EYA3: variants seen among roughly 807,000 people sequenced by gnomAD.
The protein encoded by EYA3 is protein phosphatase EYA3.
EYA3 carries 39 observed loss-of-function variants against 80.0 expected under a neutral mutation model. That is an observed-to-expected ratio of 0.49 (90% CI 0.38 to 0.64). The LOEUF (loss-of-function observed/expected upper bound fraction) is 0.64. EYA3 is among the 30% of genes least tolerant of loss of function. The probability of loss-of-function intolerance (pLI) is 0.00; values close to 1 mark genes in which losing one functional copy is unlikely to be tolerated. For synonymous variants in EYA3, 206 were observed against 232.8 expected (o/e 0.88, Z 1.05); for missense variants, 523 against 676.1 (o/e 0.77, Z 2.51).
intron 1 of EYA3, among the ~76,000 whole-genome samples, chr1:28,085,444 GTT>G (rs2148966622): frequency 6.6e-6 from 1 of 151,558 alleles, no homozygotes; most frequent in Admixed American, 6.6e-5. Flanking sequence ...GCAAGGTTTT[GTT>G]TTGTTTTTTG....
intron 10 of EYA3, among the ~76,000 whole-genome samples, chr1:28,008,170 T>C (rs72656584): frequency 0.034 from 5,120 of 152,280 alleles, 131 homozygotes; most frequent in Middle Eastern, 0.065. Context: ...TAATTTTTAA[T>C]AGGATGCCAA....
intron 3 of EYA3, among the ~76,000 whole-genome samples, chr1:28,045,735 A>C (rs923200342): frequency 1.3e-5 from 2 of 152,196 alleles, no homozygotes; most frequent in African/African-American, 2.4e-5. Flanking sequence ...ATAAACATAA[A>C]TTTTGCTTAA....
intron 2 of EYA3, among the ~76,000 whole-genome samples, chr1:28,050,037 T>C (rs1483592595): frequency 6.6e-6 from 1 of 151,950 alleles, no homozygotes; most frequent in African/African-American, 2.4e-5. Flanking sequence ...CAAAGAAAAT[T>C]AGAGCACTGA....
intron 7 of EYA3, among the ~76,000 whole-genome samples, chr1:28,019,657 C>T (rs1456695649): frequency 2.6e-5 from 4 of 152,036 alleles, no homozygotes; most frequent in African/African-American, 7.2e-5. Flanking sequence ...GCATACAATC[C>T]TCTTTTTCAC....
chr1:28,081,366 A>G (rs781247862), intron 1 of EYA3, among the ~76,000 whole-genome samples: 1 of 152,184 alleles, frequency 6.6e-6, no homozygotes. Context: ...GCAGAAGAAC[A>G]CCTGGTGAAA....
chr1:28,046,286 G>A (rs530452042), intron 3 of EYA3, among the ~76,000 whole-genome samples: 3 of 152,270 alleles, frequency 2.0e-5, no homozygotes, highest in Admixed American at 1.3e-4. Context: ...ATTGCTGAAG[G>A]TAAAAGAAGA....
At chr1:28,063,338 G>GGGGA (rs1644709080) in intron 1 of EYA3, among the ~76,000 whole-genome samples, 1 of 144,012 alleles carries the variant, frequency 6.9e-6, no homozygotes, top group African/African-American at 2.6e-5. Flanking sequence ...TTTGGGGGGG[G>GGGGA]AAATAACTAA....
Position 28,013,353 on chromosome 1 carries a change from A to T in EYA3, c.586-59T>A. ...TTATAGCATACATTAATCTCAACAC[A>T]AGAGGCTTTCTTCTCCCTCTTTCTT... On this transcript the variant is annotated intron_variant, in intron 8 of 17. Transcript: ENST00000373871. The surrounding 1 kb of genome is among the most constrained non-coding windows in gnomAD (Gnocchi z 4.0). The T allele has an allele frequency of 7.5e-7, 1 of 1,332,372 alleles. No individual in the cohort carries two copies. The highest frequency in any genetic ancestry group is 1.0e-6 in the Non-Finnish European group (1 of 1,000,130). 82.5% of individuals were successfully genotyped at this position (1,332,372 alleles called of 1,614,324 possible).
intron 1 of EYA3, among the ~76,000 whole-genome samples, chr1:28,069,297 G>A (rs1341255947): frequency 6.6e-6 from 1 of 151,170 alleles, no homozygotes; most frequent in Non-Finnish European, 1.5e-5. Context: ...TTTTAGTAGA[G>A]ACAGTCTCAC....
intron 17 of EYA3, among the ~76,000 whole-genome samples, chr1:27,975,561 C>T (rs901782239): frequency 4.0e-5 from 6 of 150,880 alleles, no homozygotes; most frequent in Admixed American, 6.6e-5. Context: ...TCTCAGCTCA[C>T]TGCAAGCTCC....
At chr1:28,073,127 A>ATATATATATATTTTTTTT (rs1553157671) in intron 1 of EYA3, among the ~76,000 whole-genome samples, 12 of 14,992 alleles carry the variant, frequency 8.0e-4, no homozygotes, top group Admixed American at 3.6e-3. Flanking sequence ...ATATATATAT[A>ATATATATATATTTTTTTT]TTTTTTTTTT....
At position 28,035,587 on chromosome 1, in the gene EYA3, A is replaced by G; in HGVS notation, c.318T>C (p.Ala106=). The G allele has an allele frequency of 1.2e-6, 2 of 1,614,140 alleles. No homozygotes were observed. The highest frequency in any genetic ancestry group is 1.1e-5 in the South Asian group (1 of 91,082). ...YQTLQQTQPY[A]VYPQATQTYG... The stretch of plus-strand genomic sequence containing the variant: ...ACGTTTGGGTTGCCTGAGGGTAGAC[A>G]GCATAGGGTTGAGTCTGCTGTAGTG... Residue 106 remains alanine, a synonymous_variant, in exon 6 of 18, where the codon GCT becomes GCC. Coordinates refer to ENST00000373871, the MANE Select transcript of EYA3 (RefSeq NM_001990.4).
chr1:27,988,996 A>G (rs1639850872), intron 15 of EYA3, among the ~76,000 whole-genome samples: 1 of 152,204 alleles, frequency 6.6e-6, no homozygotes, highest in Non-Finnish European at 1.5e-5. Flanking sequence ...ACAAACAACA[A>G]AAAGCTCTGA....
intron 11 of EYA3, among the ~76,000 whole-genome samples, chr1:28,003,114 A>AC (rs1272026368): frequency 2.6e-5 from 4 of 151,176 alleles, no homozygotes; most frequent in Non-Finnish European, 1.5e-5. Context: ...AAAAAAAAAA[A>AC]AAAAAATTAG....
At chr1:28,067,196 CA>C (rs947394137) in intron 1 of EYA3, among the ~76,000 whole-genome samples, 17 of 152,106 alleles carry the variant, frequency 1.1e-4, no homozygotes, top group Admixed American at 6.5e-4. Flanking sequence ...GAATTACATA[CA>C]GGGGGGAAAG....
intron 10 of EYA3, among the ~76,000 whole-genome samples, chr1:28,008,957 A>AT (rs1487776364): frequency 6.6e-6 from 1 of 152,198 alleles, no homozygotes; most frequent in Non-Finnish European, 1.5e-5. Flanking sequence ...CTTCACATCC[A>AT]TTAGAATAGC....
chr1:27,994,990 T>C (rs75232957), intron 13 of EYA3, among the ~76,000 whole-genome samples: 6,035 of 151,470 alleles, frequency 0.04, 137 homozygotes, highest in African/African-American at 0.052. Context: ...AGGAACCACT[T>C]CTGTACACTT....
chr1:28,007,549 G>A (rs1219268587), intron 10 of EYA3, among the ~76,000 whole-genome samples: 6 of 151,744 alleles, frequency 4.0e-5, no homozygotes, highest in Non-Finnish European at 5.9e-5. Context: ...TGGTCAGGCC[G>A]GTCTTGAACT....
chr1:28,035,808 CTCT>C, intron 5 of EYA3, 128 bp from the exon 6 acceptor site: 1 of 889,094 alleles, frequency 1.1e-6, no homozygotes, highest in Non-Finnish European at 1.7e-6. Context: ...CATAAAATGG[CTCT>C]TTTCAAAAAT....
Sources: gnomAD v4.1 joint callset for allele counts (sites outside exome capture counted in the v4.1 genomes callset) on GRCh38, gnomAD v4.1.1 for gene constraint, Gnocchi (gnomAD v3.1) non-coding constraint, MANE v1.5 for transcripts, NCBI Gene and HGNC (gene_info 2026-07-23, HGNC 2026-07-21) for gene names.